Variants in PHIP observed in about 807,000 individuals in gnomAD.
PHIP encodes the protein PHIP subunit of CUL4-Ring ligase complex, also known as PH-interacting protein.
PHIP carries 54 observed loss-of-function variants against 236.8 expected under a neutral mutation model. That is an observed-to-expected ratio of 0.23 (90% confidence interval 0.18 to 0.29). The LOEUF is 0.29. PHIP is among the 10% of genes least tolerant of loss of function. The probability of loss-of-function intolerance (pLI) is 1.00; values close to 1 mark genes in which losing one functional copy is unlikely to be tolerated. For missense variants in PHIP, 1,370 were observed against 2,190.8 expected (o/e 0.63, Z 7.48); for synonymous variants, 756 against 718.9 (o/e 1.05, Z -0.83).
At chr6:79,064,931 A>C (rs1231176176) in intron 4 of PHIP, among the ~76,000 whole-genome samples, 1 of 152,176 alleles carries the variant, frequency 6.6e-6, no homozygotes, top group African/African-American at 2.4e-5. Context: ...GAATTGATGG[A>C]TCCTCATGAA....
chr6:79,060,852 GT>G (rs1460557499), intron 4 of PHIP, 34 bp from the exon 5 acceptor site: 2 of 1,383,062 alleles, frequency 1.4e-6, no homozygotes, highest in Non-Finnish European at 2.0e-6. Flanking sequence ...GTAGGTTTCA[GT>G]TTATCATTTT....
At chr6:78,950,137 T>C (rs1774063266) in intron 35 of PHIP, among the ~76,000 whole-genome samples, 2 of 152,244 alleles carry the variant, frequency 1.3e-5, no homozygotes, top group Non-Finnish European at 2.9e-5. Context: ...TTACTTGATA[T>C]AATCATGAGA....
At chr6:79,037,605 G>A (rs1772004320) in intron 7 of PHIP, among the ~76,000 whole-genome samples, 1 of 152,168 alleles carries the variant, frequency 6.6e-6, no homozygotes, top group South Asian at 2.1e-4. Context: ...ATACTTTGGA[G>A]AAGGGGATCC....
At chr6:79,016,677 A>G in intron 12 of PHIP, 35 bp from the exon 13 acceptor site, 1 of 1,324,648 alleles carries the variant, frequency 7.5e-7, no homozygotes, top group Non-Finnish European at 1.1e-6. Flanking sequence ...CCAAAGAAAA[A>G]TCATACATGC....
At chr6:79,060,860 T>C in intron 4 of PHIP, 42 bp from the exon 5 acceptor site, 2 of 1,341,270 alleles carry the variant, frequency 1.5e-6, no homozygotes, top group Non-Finnish European at 2.0e-6. Flanking sequence ...CAGTTTATCA[T>C]TTTAATTTTC....
rs78806653 is a variant in PHIP, at chr6:79,025,934, G to A, written c.822+9C>T. ...AACAACAACAATGTATAGGGATTAA[G>A]ACAATTACCTGTAGTGATGTAATAG... On this transcript the variant is annotated intron_variant, in intron 8 of 39. Transcript: ENST00000275034. 1.3e-6 allele frequency: 2 copies of A among 1,554,906 alleles called. No individual in the cohort carries two copies. The highest frequency in any genetic ancestry group is 1.7e-5 in the Admixed American group (1 of 58,322).
At chr6:79,054,921 TA>T (rs1308900044) in intron 6 of PHIP, among the ~76,000 whole-genome samples, 1 of 151,046 alleles carries the variant, frequency 6.6e-6, no homozygotes. Context: ...CACAAAATTA[TA>T]AATGTAGACA....
intron 6 of PHIP, among the ~76,000 whole-genome samples, chr6:79,053,253 G>C (rs1476403187): frequency 6.6e-6 from 1 of 152,160 alleles, no homozygotes; most frequent in Non-Finnish European, 1.5e-5. Flanking sequence ...GGAGCAAGTT[G>C]GAGTGAGCCG....
At chr6:79,047,399 C>T (rs1006510978) in intron 6 of PHIP, among the ~76,000 whole-genome samples, 2 of 152,156 alleles carry the variant, frequency 1.3e-5, no homozygotes, top group East Asian at 1.9e-4. Flanking sequence ...AATACTAATG[C>T]ATATTCAATT....
intron 6 of PHIP, among the ~76,000 whole-genome samples, chr6:79,048,527 T>C (rs535743846): frequency 3.3e-5 from 5 of 152,240 alleles, no homozygotes; most frequent in Non-Finnish European, 7.4e-5. Context: ...TTTTCTCCTT[T>C]TGCAAAGATC....
intron 23 of PHIP, 26 bp downstream of exon 23, chr6:78,982,860 C>T (rs555040045): frequency 7.1e-7 from 1 of 1,415,914 alleles, no homozygotes; most frequent in South Asian, 1.3e-5. Flanking sequence ...TAGAAAACAC[C>T]AAATTTGTAA....
At chr6:78,950,247 T>C (rs1271832809) in intron 35 of PHIP, among the ~76,000 whole-genome samples, 1 of 152,222 alleles carries the variant, frequency 6.6e-6, no homozygotes, top group East Asian at 1.9e-4. Context: ...TTGGTCATGG[T>C]ATAAAATCAT....
chr6:78,952,050 CTT>C (rs1774190557), intron 35 of PHIP, among the ~76,000 whole-genome samples: 1 of 152,092 alleles, frequency 6.6e-6, no homozygotes, highest in Non-Finnish European at 1.5e-5. Context: ...TTTTTTCACT[CTT>C]ATTCTAGGTA....
chr6:79,009,439 A>G (rs1770461989), intron 15 of PHIP, among the ~76,000 whole-genome samples: 1 of 152,060 alleles, frequency 6.6e-6, no homozygotes, highest in Non-Finnish European at 1.5e-5. Flanking sequence ...CCACCCTGAC[A>G]ATGATCTCTA....
At chr6:79,070,091 A>G (rs190449819) in intron 4 of PHIP, among the ~76,000 whole-genome samples, 10 of 152,318 alleles carry the variant, frequency 6.6e-5, no homozygotes, top group Non-Finnish European at 1.2e-4. Context: ...AGGTTTCCAT[A>G]AACCAAAGTA....
At chr6:79,019,378 C>T (rs375222604) in intron 9 of PHIP, among the ~76,000 whole-genome samples, 2 of 152,042 alleles carry the variant, frequency 1.3e-5, no homozygotes, top group Non-Finnish European at 2.9e-5. Context: ...CACAACAATA[C>T]GTACATGGAA....
chr6:78,970,193 T>C lies in PHIP; in HGVS notation c.2998-20A>G, dbSNP rs369548966. ...TTGTTCCTGAGAGAGACAGAGAATA[T>C]AAGGAACCATCTTTACAAAATAAAC... On this transcript the variant is annotated intron_variant, in intron 25 of 39. Transcript: ENST00000275034. 2.5e-6 allele frequency: 4 copies of C among 1,602,362 alleles called. No homozygotes were observed. Among genetic ancestry groups the C allele is most frequent in the Middle Eastern group, 1.7e-4 (1 of 6,032 alleles).
chr6:78,947,000 C>G (rs983186266), intron 36 of PHIP, 126 bp from the exon 37 acceptor site: 7 of 534,798 alleles, frequency 1.3e-5, no homozygotes, highest in Admixed American at 4.2e-5. Flanking sequence ...TTTTTACATC[C>G]CTTTTTCCTA....
At chr6:79,053,536 G>A (rs1048512641) in intron 6 of PHIP, among the ~76,000 whole-genome samples, 3 of 152,034 alleles carry the variant, frequency 2.0e-5, no homozygotes, top group African/African-American at 7.2e-5. Context: ...TTTCCCCGAG[G>A]CTTCCTTATG....
Sources: gnomAD v4.1 joint callset for allele counts (sites outside exome capture counted in the v4.1 genomes callset) on GRCh38, gnomAD v4.1.1 for gene constraint, MANE v1.5 for transcripts, NCBI Gene and HGNC (gene_info 2026-07-23, HGNC 2026-07-21) for gene names.